Variants in CCDC57 observed in about 807,000 individuals in gnomAD.
CCDC57 encodes coiled-coil domain containing 57.
A neutral mutation model predicts 118.9 loss-of-function variants in CCDC57; 118 were observed. That is an observed-to-expected ratio of 0.99 (90% CI 0.86 to 1.16). The LOEUF (loss-of-function observed/expected upper bound fraction) is 1.16, where lower values mean the gene tolerates loss of function less well. Among genes scored for constraint, CCDC57 ranks in the 50% most tolerant of loss-of-function variants. The pLI is 0.00. For synonymous variants in CCDC57, 527 were observed against 532.9 expected (o/e 0.99, Z 0.15); for missense variants, 1,300 against 1,320.7 (o/e 0.98, Z 0.24).
chr17:82,106,205 G>A (rs952251707), intron 19 of CCDC57: 1 of 152,460 alleles, frequency 6.6e-6, no homozygotes, highest in African/African-American at 2.4e-5. Context: ...GGAGCCCCAA[G>A]GAAGGGAATT....
chr17:82,131,945 A>C (rs1194583528), intron 17 of CCDC57, among the ~76,000 whole-genome samples: 1 of 151,528 alleles, frequency 6.6e-6, no homozygotes, highest in Non-Finnish European at 1.5e-5. Context: ...GCGAAACCCT[A>C]TCTCTACAAA....
chr17:82,107,743 T>C lies in CCDC57; in HGVS notation c.2900-5877A>G, dbSNP rs115912057. On this transcript the variant is annotated intron_variant, in intron 19 of 19. Coordinates refer to ENST00000665763, the Ensembl canonical transcript of CCDC57. The stretch of plus-strand genomic sequence containing the variant: ...TGGACTGGAGAAGACACATTAGCCC[T>C]TGGGCTGGAAGTCGTGGACCGGCGT... The C allele has an allele frequency of 5.5e-3, 2,125 of 384,408 alleles. 40 individuals carry two copies. Among genetic ancestry groups the C allele is most frequent in the African/African-American group, 0.041 (1,983 of 48,080 alleles). The allele number at this position is 384,408 out of a possible 1,614,324, so 23.8% of individuals were successfully genotyped here. A position where few individuals can be genotyped will look rare whatever the true frequency, so the allele number is the denominator to read the frequency against.
At chr17:82,120,019 G>A (rs1598681566) in intron 19 of CCDC57, among the ~76,000 whole-genome samples, 1 of 151,308 alleles carries the variant, frequency 6.6e-6, no homozygotes, top group Non-Finnish European at 1.5e-5. Context: ...AGGGTGGTTC[G>A]GGGCCTATCC....
chr17:82,126,598 C>G (rs139023154), intron 19 of CCDC57: 1 of 985,368 alleles, frequency 1.0e-6, no homozygotes. Context: ...CTGCTGCCAC[C>G]GGCAAAAGTT....
chr17:82,127,122 G>A (rs2037559999), intron 19 of CCDC57: 1 of 985,464 alleles, frequency 1.0e-6, no homozygotes, highest in Non-Finnish European at 1.2e-6. Flanking sequence ...GACCTGCTGA[G>A]TTTACCAGGC....
At chr17:82,146,922 C>A (rs75167240) in intron 16 of CCDC57, among the ~76,000 whole-genome samples, 1 of 152,190 alleles carries the variant, frequency 6.6e-6, no homozygotes, top group African/African-American at 2.4e-5. Flanking sequence ...TACAAATGCA[C>A]GTGCACACAC....
At chr17:82,205,973 GATTAAT>G (rs1407377951) in intron 2 of CCDC57, among the ~76,000 whole-genome samples, 2 of 152,248 alleles carry the variant, frequency 1.3e-5, no homozygotes, top group Non-Finnish European at 2.9e-5. Context: ...CCAAGGCTGA[GATTAAT>G]TGGCTTTCAA....
chr17:82,105,583 T>G (rs2034790426), intron 19 of CCDC57, among the ~76,000 whole-genome samples: 1 of 152,068 alleles, frequency 6.6e-6, no homozygotes, highest in African/African-American at 2.4e-5. Flanking sequence ...AACCCTCACC[T>G]GCTAAAGTCT....
At position 82,172,233 on chromosome 17, in the gene CCDC57, T is replaced by A. The variant is rs1482872731; in HGVS notation, c.1730-380A>T. 6.6e-6 allele frequency among the ~76,000 whole-genome samples: 1 copy of A among 152,190 alleles called. No homozygotes were observed. The highest frequency in any genetic ancestry group is 1.5e-5 in the Non-Finnish European group (1 of 68,022). ...GCATCTGCCCACCCACAGCCACTCA[T>A]GGGGTCCCTGGGGGTCGGGAGGCCC... On this transcript the variant is annotated intron_variant, in intron 12 of 19. Transcript: ENST00000665763. The surrounding 1 kb of genome is among the most constrained non-coding windows in gnomAD (Gnocchi z 5.2).
chr17:82,169,978 C>T (rs1265693247), intron 13 of CCDC57, among the ~76,000 whole-genome samples: 1 of 152,060 alleles, frequency 6.6e-6, no homozygotes, highest in Non-Finnish European at 1.5e-5. Flanking sequence ...ATAAAATACC[C>T]TAAAAAAATC....
intron 15 of CCDC57, chr17:82,156,938 T>C (rs12051747): frequency 0.47 from 71,212 of 152,204 alleles, 17,479 homozygotes; most frequent in East Asian, 0.88. Context: ...CACTTTGTGC[T>C]TTCCAGACAT....
At chr17:82,178,304 C>T (rs1265533199) in intron 11 of CCDC57, among the ~76,000 whole-genome samples, 170 bp downstream of exon 10, 1 of 152,206 alleles carries the variant, frequency 6.6e-6, no homozygotes, top group African/African-American at 2.4e-5. Context: ...AGCCTGAGTT[C>T]ACCTTAACTC....
At chr17:82,184,027 G>GCACACA (rs759711817) in intron 8 of CCDC57, 95 bp from the exon 8 acceptor site, 3,882 of 326,164 alleles carry the variant, frequency 0.012, 55 homozygotes, top group East Asian at 0.014. Context: ...GCGCGCGCGC[G>GCACACA]CGCGCACACA....
At chr17:82,142,964 A>T (rs992039708) in intron 16 of CCDC57, among the ~76,000 whole-genome samples, 4 of 152,140 alleles carry the variant, frequency 2.6e-5, no homozygotes, top group Admixed American at 2.6e-4. Flanking sequence ...CAGGAGTTCG[A>T]GATCAACCTG....
exon 20 of CCDC57, chr17:82,101,793 C>G: frequency 1.2e-6 from 2 of 1,607,586 alleles, no homozygotes; most frequent in Non-Finnish European, 1.7e-6. Context: ...GGGCTGCTGT[C>G]TTCATCCCTG....
At chr17:82,136,290 G>A (rs1210352457) in intron 16 of CCDC57, among the ~76,000 whole-genome samples, 1 of 152,156 alleles carries the variant, frequency 6.6e-6, no homozygotes, top group East Asian at 1.9e-4. Context: ...CCAGCACGAG[G>A]GACCCTCAAA....
exon 6 of CCDC57, chr17:82,194,041 C>T: frequency 2.5e-6 from 4 of 1,613,730 alleles, no homozygotes; most frequent in Non-Finnish European, 3.4e-6. Flanking sequence ...GGAGCTTCCT[C>T]TCCAGCTCGG....
Position 82,157,451 on chromosome 17 carries a change from G to A in CCDC57, c.2241+297C>T, listed in dbSNP as rs534807594. On this transcript the variant is annotated intron_variant, in intron 15 of 19. Coordinates refer to ENST00000665763, the Ensembl canonical transcript of CCDC57. ...AACATGAGCCACCTTCAGTGTGTGCGTTTCCAACACAAGATGCTGTTAGCT... is the reference window on the plus strand; with the variant it reads ...AACATGAGCCACCTTCAGTGTGTGCATTTCCAACACAAGATGCTGTTAGCT... The A allele has an allele frequency of 1.1e-4, 145 of 1,377,414 alleles. No homozygotes were observed. In the African/African-American group the frequency reaches 1.7e-3, roughly 17 times the overall value. 85.3% of individuals were successfully genotyped at this position (1,377,414 alleles called of 1,614,324 possible).
At chr17:82,148,343 G>A (rs183155902) in intron 16 of CCDC57, among the ~76,000 whole-genome samples, 3 of 26,492 alleles carry the variant, frequency 1.1e-4, no homozygotes, top group African/African-American at 1.5e-4. Flanking sequence ...ATGGATGGAT[G>A]GATAGGTGGG....
Sources: allele counts gnomAD v4.1 joint callset (sites outside exome capture counted in the v4.1 genomes callset), GRCh38; gene constraint gnomAD v4.1.1; non-coding constraint Gnocchi (gnomAD v3.1); transcripts MANE v1.5; gene names NCBI Gene and HGNC (gene_info 2026-07-23, HGNC 2026-07-21).